Variants in NEGR1 observed in about 807,000 individuals in gnomAD.
NEGR1 encodes the protein neuronal growth regulator 1.
A neutral mutation model predicts 40.9 loss-of-function variants in NEGR1; 10 were observed. The ratio of observed to expected loss-of-function variants is 0.24; its 90% CI spans 0.15 to 0.42. NEGR1 has a LOEUF of 0.42. NEGR1 is among the 10% of genes least tolerant of loss of function. The probability of loss-of-function intolerance (pLI) is 1.00; values close to 1 mark genes in which losing one functional copy is unlikely to be tolerated. For missense variants in NEGR1, 352 were observed against 438.9 expected (o/e 0.80, Z 1.77); for synonymous variants, 185 against 166.8 (o/e 1.11, Z -0.84).
At chr1:72,090,934 G>A (rs939333693) in intron 1 of NEGR1, among the ~76,000 whole-genome samples, 1 of 152,126 alleles carries the variant, frequency 6.6e-6, no homozygotes, top group African/African-American at 2.4e-5. Flanking sequence ...ACATTTCAGG[G>A]TTCTTTTTGG....
intron 4 of NEGR1, among the ~76,000 whole-genome samples, chr1:71,644,379 T>C (rs1236191472): frequency 6.6e-6 from 1 of 152,114 alleles, no homozygotes; most frequent in Middle Eastern, 3.4e-3. Context: ...AAACCCAATC[T>C]CTCTTTACAT....
intron 6 of NEGR1, among the ~76,000 whole-genome samples, chr1:71,425,262 C>T (rs1211788939): frequency 1.1e-4 from 17 of 152,144 alleles, no homozygotes; most frequent in Non-Finnish European, 2.4e-4. Flanking sequence ...AGGTAGTAGG[C>T]AAGGCCGAAT....
chr1:71,808,230 A>G (rs1657851976), intron 2 of NEGR1, among the ~76,000 whole-genome samples: 1 of 152,160 alleles, frequency 6.6e-6, no homozygotes, highest in Non-Finnish European at 1.5e-5. Flanking sequence ...AATCCAATCA[A>G]AAGAAATAAA....
At chr1:72,002,591 T>C (rs868829008) in intron 1 of NEGR1, among the ~76,000 whole-genome samples, 8 of 152,120 alleles carry the variant, frequency 5.3e-5, no homozygotes, top group African/African-American at 1.4e-4. Context: ...AATTTTATTA[T>C]AAAGCCTATA....
At chr1:71,648,822 C>T (rs1651615354) in intron 4 of NEGR1, among the ~76,000 whole-genome samples, 1 of 152,016 alleles carries the variant, frequency 6.6e-6, no homozygotes, top group Non-Finnish European at 1.5e-5. Context: ...ACTTACATGT[C>T]TCTCTCTGGC....
intron 1 of NEGR1, among the ~76,000 whole-genome samples, chr1:72,267,803 G>A (rs983849586): frequency 1.6e-4 from 24 of 151,220 alleles, no homozygotes; most frequent in African/African-American, 4.8e-4. Flanking sequence ...TGAAAAAAGC[G>A]TAGTATAGTA....
intron 3 of NEGR1, among the ~76,000 whole-genome samples, chr1:71,773,766 C>G (rs534231945): frequency 2.9e-4 from 44 of 152,118 alleles, no homozygotes; most frequent in African/African-American, 9.6e-4. Context: ...ATCAGAAAAA[C>G]AAATCTATGC....
chr1:72,063,846 T>G (rs1165337154), intron 1 of NEGR1, among the ~76,000 whole-genome samples: 1 of 151,142 alleles, frequency 6.6e-6, no homozygotes, highest in Non-Finnish European at 1.5e-5. Context: ...TCACAATGGC[T>G]ATGTGCTTCC....
At chr1:71,946,049 C>CT (rs61219675) in intron 1 of NEGR1, among the ~76,000 whole-genome samples, 2,404 of 151,324 alleles carry the variant, frequency 0.016, 54 homozygotes, top group African/African-American at 0.053. Flanking sequence ...CTATTCGTTT[C>CT]TTTTTTTTTG....
At chr1:71,651,661 T>C (rs1651722462) in intron 4 of NEGR1, among the ~76,000 whole-genome samples, 1 of 152,170 alleles carries the variant, frequency 6.6e-6, no homozygotes, top group Admixed American at 6.5e-5. Flanking sequence ...ATCTTTGTCA[T>C]GGCATTTATC....
At chr1:71,961,753 T>G (rs1412146188) in intron 1 of NEGR1, among the ~76,000 whole-genome samples, 1 of 152,034 alleles carries the variant, frequency 6.6e-6, no homozygotes, top group African/African-American at 2.4e-5. Context: ...ATATCAATAT[T>G]AACAACTATC....
intron 2 of NEGR1, among the ~76,000 whole-genome samples, chr1:71,871,478 T>C (rs1660276237): frequency 6.6e-6 from 1 of 152,160 alleles, no homozygotes; most frequent in Admixed American, 6.5e-5. Flanking sequence ...GAGCCACTTT[T>C]TCATGCGGCA....
chr1:71,881,346 C>T (rs1435660265), intron 2 of NEGR1, among the ~76,000 whole-genome samples: 1 of 152,000 alleles, frequency 6.6e-6, no homozygotes, highest in Non-Finnish European at 1.5e-5. Context: ...TAGGTTTTTC[C>T]TTATGTACCA....
chr1:71,610,643 G>A (rs1266110648), intron 5 of NEGR1, among the ~76,000 whole-genome samples: 1 of 152,142 alleles, frequency 6.6e-6, no homozygotes, highest in East Asian at 1.9e-4. Flanking sequence ...GCTTATCAAG[G>A]AAGCCAGGCA....
At chr1:71,408,057 C>T (rs1646289479) in intron 6 of NEGR1, among the ~76,000 whole-genome samples, 1 of 151,932 alleles carries the variant, frequency 6.6e-6, no homozygotes, top group Non-Finnish European at 1.5e-5. Flanking sequence ...GATCTTCAAA[C>T]AATTATAATA....
chr1:71,983,991 T>C (rs1646375305), intron 1 of NEGR1, among the ~76,000 whole-genome samples: 1 of 117,864 alleles, frequency 8.5e-6, no homozygotes, highest in African/African-American at 2.7e-5. Context: ...AAAACTTTCA[T>C]TAATCAAACT....
At chr1:72,189,799 T>G (rs1182947011) in intron 1 of NEGR1, among the ~76,000 whole-genome samples, 2 of 151,594 alleles carry the variant, frequency 1.3e-5, no homozygotes, top group Non-Finnish European at 3.0e-5. Flanking sequence ...TGGTATTATA[T>G]TGTTCATGAT....
intron 1 of NEGR1, among the ~76,000 whole-genome samples, chr1:72,052,866 C>T (rs1647075109): frequency 6.6e-6 from 1 of 151,284 alleles, no homozygotes. Flanking sequence ...GTGCAGGGAC[C>T]TCCCTTGATT....
intron 2 of NEGR1, among the ~76,000 whole-genome samples, chr1:71,882,579 T>G (rs1369965663): frequency 6.6e-6 from 1 of 152,038 alleles, no homozygotes; most frequent in Non-Finnish European, 1.5e-5. Context: ...TGTGTAAAAT[T>G]TTTAGTTCCT....
Sources: allele counts gnomAD v4.1 joint callset (sites outside exome capture counted in the v4.1 genomes callset), GRCh38; gene constraint gnomAD v4.1.1; transcripts MANE v1.5; gene names NCBI Gene and HGNC (gene_info 2026-07-23, HGNC 2026-07-21).